CROCC: variants seen among roughly 807,000 people sequenced by gnomAD.
CROCC encodes rootletin.
Under a neutral mutation model 245.2 loss-of-function variants are expected in CROCC, and 180 were observed. That is an observed-to-expected ratio of 0.73 (90% CI 0.65 to 0.83). CROCC has a LOEUF of 0.83. CROCC is among the 40% of genes least tolerant of loss of function. The pLI is 0.00. For missense variants in CROCC, 2,688 were observed against 2,779.4 expected, an observed-to-expected ratio of 0.97 and a Z score of 0.74; for synonymous variants, 1,205 against 1,241.6, an observed-to-expected ratio of 0.97 and a Z score of 0.62.
At chr1:16,933,939 G>A (rs1308196593) in intron 8 of CROCC, among the ~76,000 whole-genome samples, 67 of 152,390 alleles carry the variant, frequency 4.4e-4, no homozygotes, top group South Asian at 8.3e-4. Context: ...TCATGGTCTG[G>A]ATTTTGCTGG....
chr1:16,955,027 C>T, intron 23 of CROCC, 150 bp downstream of exon 23: 1 of 1,104,732 alleles, frequency 9.1e-7, no homozygotes. Context: ...GCAGCAAGCA[C>T]TACGAAGCAC....
At chr1:16,928,300 C>T (rs776083560) in intron 3 of CROCC, among the ~76,000 whole-genome samples, 1 of 152,280 alleles carries the variant, frequency 6.6e-6, no homozygotes, top group Non-Finnish European at 1.5e-5. Context: ...TCCCTCACCT[C>T]CCTTCCCCCA....
chr1:16,929,649 C>T (rs1184385805), intron 3 of CROCC, among the ~76,000 whole-genome samples, 197 bp from the exon 4 acceptor site: 1 of 152,272 alleles, frequency 6.6e-6, no homozygotes, highest in African/African-American at 2.4e-5. Context: ...GCCCCGTCTG[C>T]GTGCCCGTGC....
rs573424656 is a variant in CROCC at position 16,927,944 on chromosome 1, G to A, written c.352-1902G>A. Among the ~76,000 whole-genome samples, 60 of 152,400 alleles carry A rather than the reference G, an allele frequency of 3.9e-4. No individual in the cohort carries two copies. The East Asian group carries it at 5.8e-3, about 15-fold the overall frequency. On this transcript the variant is annotated intron_variant, in intron 3 of 36. Transcript: ENST00000375541. ...GGTGGGGCTGCCATGCACGTGTCCC[G>A]GGGGTGGGGTGGGTAGAGATGTCCT...
chr1:16,914,163 C>A (rs1457319244), intron 1 of CROCC, among the ~76,000 whole-genome samples: 1 of 151,372 alleles, frequency 6.6e-6, no homozygotes, highest in Non-Finnish European at 1.5e-5. Context: ...CGCGCGCGTG[C>A]GCGGGGGCGG....
At chr1:16,964,331 TTTTCTTTTCC>T (rs1163257966) in intron 27 of CROCC, among the ~76,000 whole-genome samples, 2 of 151,606 alleles carry the variant, frequency 1.3e-5, no homozygotes, top group South Asian at 2.1e-4. Flanking sequence ...TTTTCTTTTC[TTTTCTTTTCC>T]TTTCTTTTCC....
Position 16,936,711 on chromosome 1 carries a change from C to G in CROCC, c.1031C>G (p.Thr344Arg), listed in dbSNP as rs776453772. Residue 344 changes from threonine to arginine, a missense_variant, in exon 9 of 37, where the codon ACG becomes AGG. Thr to Arg is a moderately conservative substitution (Grantham distance 71, BLOSUM62 -1). Around this residue, in one of 9 missense-constraint regions of CROCC, gnomAD observed 972 missense variants for 895.3 expected, o/e 1.09. Coordinates refer to ENST00000375541, the MANE Select transcript of CROCC (RefSeq NM_014675.5). ...AVQEAGLGLS[T>R]GLRLAESRAE... The stretch of plus-strand genomic sequence containing the variant: ...CAGGAGGCGGGCCTGGGACTGAGCA[C>G]GGGCCTACGGCTGGCAGAGAGCCGG... 1 of 1,606,144 alleles carries G rather than the reference C, an allele frequency of 6.2e-7. No homozygotes were observed. Among genetic ancestry groups the G allele is most frequent in the Non-Finnish European group, 8.5e-7 (1 of 1,177,198 alleles).
intron 1 of CROCC, 57 bp from the exon 2 acceptor site, chr1:16,922,606 G>A (rs371559399): frequency 4.6e-5 from 71 of 1,537,746 alleles, no homozygotes; most frequent in African/African-American, 3.6e-4. Flanking sequence ...CTCTCCCCAC[G>A]AGGCCAGGGA....
rs1476816596 is a variant in CROCC at position 16,946,929 on chromosome 1, T to C, written c.2452T>C (p.Leu818=). 21 of 1,563,134 alleles carry C rather than the reference T, an allele frequency of 1.3e-5. No individual in the cohort carries two copies. The highest frequency in any genetic ancestry group is 1.1e-4 in the South Asian group (9 of 84,922). The change falls in exon 17 of 37, where the codon TTG becomes CTG. Residue 818 remains leucine (L), a synonymous_variant. Transcript: ENST00000375541. ...AGTGGCGGAGCAGGCCCAGGAGGCA[T>C]TGGAGCAGCAGCTCCCCACGCTGCG... ...LRVAEQAQEA[L]EQQLPTLRHE... is the part of the protein sequence containing the mutation.
At chr1:16,924,846 C>G (rs1172302288) in intron 3 of CROCC, among the ~76,000 whole-genome samples, 3 of 152,396 alleles carry the variant, frequency 2.0e-5, no homozygotes, top group African/African-American at 7.2e-5. Context: ...CCCATTGCCA[C>G]GGGCCTTGGG....
chr1:16,933,769 G>T (rs1309221568), intron 8 of CROCC, among the ~76,000 whole-genome samples: 1 of 152,268 alleles, frequency 6.6e-6, no homozygotes, highest in East Asian at 1.9e-4. Flanking sequence ...GCTTCACCAT[G>T]TTGGCCAGGC....
At chr1:16,914,901 C>G (rs1463989464) in intron 1 of CROCC, among the ~76,000 whole-genome samples, 1 of 152,292 alleles carries the variant, frequency 6.6e-6, no homozygotes, top group East Asian at 1.9e-4. Context: ...TGCCATCTGT[C>G]TGTTTACGCC....
At chr1:16,933,975 A>G (rs1302938213) in intron 8 of CROCC, among the ~76,000 whole-genome samples, 2 of 152,266 alleles carry the variant, frequency 1.3e-5, no homozygotes, top group Non-Finnish European at 2.9e-5. Context: ...GTCAATTAAC[A>G]TGTTTCTTTA....
chr1:16,933,286 T>C (rs945050317), intron 8 of CROCC, among the ~76,000 whole-genome samples: 5 of 152,242 alleles, frequency 3.3e-5, no homozygotes, highest in African/African-American at 9.6e-5. Flanking sequence ...GCCAACATGG[T>C]GAGACCCCTA....
chr1:16,945,587 T>A lies in CROCC; in HGVS notation c.2117T>A (p.Val706Glu). The A allele has an allele frequency of 6.2e-7, 1 of 1,612,480 alleles. No individual in the cohort carries two copies. The highest frequency in any genetic ancestry group is 8.5e-7 in the Non-Finnish European group (1 of 1,179,778). Residue 706 changes from valine to glutamate, a missense_variant, in exon 15 of 37, where the codon GTG becomes GAG. Physicochemically the swap from Val to Glu is moderately radical, Grantham distance 121. Transcript: ENST00000375541. ...RDMLQAEKAE[V>E]AEALTKAEAG... ...ATGCTGCAGGCCGAGAAGGCCGAGG[T>A]GGCCGAGGCGCTGACCAAGGTGGGT...
intron 30 of CROCC, among the ~76,000 whole-genome samples, chr1:16,967,136 TA>T (rs939731034): frequency 2.6e-5 from 4 of 152,202 alleles, no homozygotes; most frequent in African/African-American, 9.6e-5. Context: ...TTCATTTTCC[TA>T]ATCTGTAAAA....
rs12059633 is a variant in CROCC, at chr1:16,965,909, A to G, written c.4575+17A>G. The G allele has an allele frequency of 0.057, 91,759 of 1,607,602 alleles. 3,778 individuals are homozygous for G. Among genetic ancestry groups the G allele is most frequent in the African/African-American group, 0.2 (15,072 of 74,878 alleles). ...AGAGAACGGGTAAGCCTGGGTGTGC[A>G]TGGCTGGATGGGGAACCTGGAGGGC... On this transcript the variant is annotated intron_variant, in intron 28 of 36. Coordinates refer to ENST00000375541, the MANE Select transcript of CROCC (RefSeq NM_014675.5).
At chr1:16,937,236 C>T (rs2075811325) in intron 9 of CROCC, among the ~76,000 whole-genome samples, 1 of 152,224 alleles carries the variant, frequency 6.6e-6, no homozygotes. Flanking sequence ...GCCTGTAATC[C>T]CAGCTACGAG....
At chr1:16,923,500 G>A (rs1395442933) in intron 2 of CROCC, among the ~76,000 whole-genome samples, 1 of 152,228 alleles carries the variant, frequency 6.6e-6, no homozygotes, top group Non-Finnish European at 1.5e-5. Context: ...ACAGGAGGTG[G>A]ACAACCCCGC....
Sources: gnomAD v4.1 joint callset for allele counts (sites outside exome capture counted in the v4.1 genomes callset) on GRCh38, gnomAD v4.1.1 for gene constraint, gnomAD v4.1.1 regional missense constraint, MANE v1.5 for transcripts, NCBI Gene and HGNC (gene_info 2026-07-23, HGNC 2026-07-21) for gene names.